The following ABCC4 variants were observed in gnomAD, a reference collection of about 807,000 sequenced individuals.
ABCC4 encodes the protein ATP binding cassette subfamily C member 4 (PEL blood group).
ABCC4 carries 102 observed loss-of-function variants against 168.5 expected under a neutral mutation model. The observed-to-expected ratio is 0.61, with a 90% CI of 0.52 to 0.71. ABCC4 has a LOEUF of 0.71. Ranked by LOEUF, ABCC4 falls within the 30% of genes least tolerant of loss-of-function variation. The pLI is 0.00. For missense variants in ABCC4, 1,402 were observed against 1,605.8 expected (o/e 0.87, Z 2.17); for synonymous variants, 617 against 590.7 (o/e 1.04, Z -0.65).
At position 95,136,232 on chromosome 13, in the gene ABCC4, G is replaced by A. The variant is rs1270609410; in HGVS notation, c.2456-20231C>T. On this transcript the variant is annotated intron_variant, in intron 19 of 30. Transcript: ENST00000645237. Reference sequence around the variant, plus strand: ...CCCGTCTCAAAAAGTGAGTATAGTGGTGCAATCTCGGCTCACTGCAACCTC... The same window carrying A: ...CCCGTCTCAAAAAGTGAGTATAGTGATGCAATCTCGGCTCACTGCAACCTC... 2.0e-5 allele frequency among the ~76,000 whole-genome samples: 3 copies of A among 152,140 alleles called. No homozygotes were observed. In the East Asian group the frequency reaches 5.8e-4, roughly 29 times the overall value.
intron 30 of ABCC4, among the ~76,000 whole-genome samples, chr13:95,032,335 TATC>T (rs1364133753): frequency 6.6e-6 from 1 of 152,096 alleles, no homozygotes; most frequent in African/African-American, 2.4e-5. Context: ...ATCTGACACA[TATC>T]ATCATCATCA....
At chr13:95,093,853 CAG>C (rs532243105) in intron 20 of ABCC4, among the ~76,000 whole-genome samples, 1 of 152,114 alleles carries the variant, frequency 6.6e-6, no homozygotes, top group Non-Finnish European at 1.5e-5. Context: ...GTACACAAAT[CAG>C]TAGCTCTTCT....
At chr13:95,289,386 G>A (rs2041336371) in intron 1 of ABCC4, among the ~76,000 whole-genome samples, 1 of 152,164 alleles carries the variant, frequency 6.6e-6, no homozygotes, top group Non-Finnish European at 1.5e-5. Flanking sequence ...TTTGGAATTT[G>A]TCAGACTTGA....
At chr13:95,038,607 T>C (rs1052395036) in intron 29 of ABCC4, among the ~76,000 whole-genome samples, 3 of 152,098 alleles carry the variant, frequency 2.0e-5, no homozygotes, top group African/African-American at 4.8e-5. Flanking sequence ...TCATTCCAGA[T>C]GCCGAGAGGT....
At chr13:95,117,857 T>C (rs984024986) in intron 19 of ABCC4, among the ~76,000 whole-genome samples, 2 of 151,346 alleles carry the variant, frequency 1.3e-5, no homozygotes, top group African/African-American at 2.4e-5. Context: ...GGTGGGAGCA[T>C]TGCTTGAGCT....
rs201339219 is a variant in ABCC4 at position 95,120,054 on chromosome 13, G to A, written c.2456-4053C>T. Among the ~76,000 whole-genome samples, 11 of 152,110 alleles carry A rather than the reference G, an allele frequency of 7.2e-5. No individual in the cohort carries two copies. The East Asian group carries it at 1.5e-3, about 21-fold the overall frequency. ...ATCTCTTGTGTCTGGCTTCCTTCCCGTATCTCAAGATTTTGAGGTTCACCC... is the reference window on the plus strand; with the variant it reads ...ATCTCTTGTGTCTGGCTTCCTTCCCATATCTCAAGATTTTGAGGTTCACCC... On this transcript the variant is annotated intron_variant, in intron 19 of 30. Coordinates refer to ENST00000645237, the MANE Select transcript of ABCC4 (RefSeq NM_005845.5).
rs1235649173 is a variant in ABCC4, at chr13:95,178,015, G to A, written c.1622C>T (p.Ala541Val). Residue 541 changes from alanine to valine, a missense_variant, in exon 12 of 31, where the codon GCA becomes GTA. By Grantham distance (64) the Ala-to-Val change is moderately conservative. Coordinates refer to ENST00000645237, the MANE Select transcript of ABCC4 (RefSeq NM_005845.5). ...RGTTLSGGQKARVNLARAVYQ... is the reference protein window; with the variant it reads ...RGTTLSGGQKVRVNLARAVYQ... The stretch of plus-strand genomic sequence containing the variant: ...AACTTACCTTGCAAGGTTTACCCGT[G>A]CTTTCTGCCCTCCACTCAGCGTGGT... 6.2e-7 allele frequency: 1 copy of A among 1,614,058 alleles called. No homozygotes were observed. The highest frequency in any genetic ancestry group is 1.3e-5 in the African/African-American group (1 of 74,926).
chr13:95,256,163 T>C (rs1237756998), intron 1 of ABCC4, among the ~76,000 whole-genome samples: 1 of 152,176 alleles, frequency 6.6e-6, no homozygotes, highest in East Asian at 1.9e-4. Context: ...TAATCATAGC[T>C]CATTGAAACT....
chr13:95,039,542 T>C (rs1163985122), intron 29 of ABCC4, among the ~76,000 whole-genome samples: 2 of 152,164 alleles, frequency 1.3e-5, no homozygotes, highest in Non-Finnish European at 2.9e-5. Context: ...AAGCCATGCA[T>C]TGATGTTGGT....
intron 26 of ABCC4, among the ~76,000 whole-genome samples, chr13:95,057,490 G>A (rs2033108950): frequency 6.6e-6 from 1 of 152,074 alleles, no homozygotes; most frequent in South Asian, 2.1e-4. Context: ...CACCCTCCTT[G>A]GCCTCCCAAA....
At position 95,301,252 on chromosome 13, in the gene ABCC4, G is replaced by A; in HGVS notation, c.63C>T (p.Arg21=). 6.3e-7 allele frequency: 1 copy of A among 1,593,392 alleles called. No individual in the cohort carries two copies. Among genetic ancestry groups the A allele is most frequent in the Non-Finnish European group, 8.5e-7 (1 of 1,170,744 alleles). Residue 21 remains arginine, a synonymous_variant, in exon 1 of 31, where the codon CGC becomes CGT. Transcript: ENST00000645237. The part of the protein sequence containing the change: ...NPLQDANLCS[R]VFFWWLNPLF... ...GCGGGGACACTCACCAGAAGAACAC[G>A]CGTGAGCAGAGGTTCGCGTCCTGCA...
chr13:95,054,913 A>G (rs2032998310), intron 26 of ABCC4, among the ~76,000 whole-genome samples: 1 of 152,208 alleles, frequency 6.6e-6, no homozygotes, highest in Non-Finnish European at 1.5e-5. Flanking sequence ...GCTGGTGAGG[A>G]AGAAATGGAT....
chr13:95,206,892 A>G (rs2038798681), intron 7 of ABCC4, 111 bp from the exon 8 acceptor site: 1 of 1,300,312 alleles, frequency 7.7e-7, no homozygotes, highest in Admixed American at 1.9e-5. Flanking sequence ...GTTTGAACCC[A>G]GGAGTTTGAG....
chr13:95,271,039 G>A (rs1400681486), intron 1 of ABCC4, among the ~76,000 whole-genome samples: 3 of 152,172 alleles, frequency 2.0e-5, no homozygotes, highest in Non-Finnish European at 2.9e-5. Flanking sequence ...AGCTTGCAGT[G>A]AGCCGAGATC....
At chr13:95,225,805 C>A (rs1330764549) in intron 4 of ABCC4, among the ~76,000 whole-genome samples, 1 of 150,404 alleles carries the variant, frequency 6.6e-6, no homozygotes, top group Non-Finnish European at 1.5e-5. Context: ...AACAAATGAT[C>A]TTTAAGACCT....
Position 95,197,800 on chromosome 13 carries a change from A to G in ABCC4, c.1162-2863T>C, listed in dbSNP as rs1462072510. Among the ~76,000 whole-genome samples, 3 of 152,216 alleles carry G rather than the reference A, an allele frequency of 2.0e-5. No individual in the cohort carries two copies. In the East Asian group the frequency reaches 5.8e-4, roughly 29 times the overall value. The stretch of plus-strand genomic sequence containing the variant: ...CTTTCAGTGCTTTGCTGTTAAGATA[A>G]GATCTCTTAAAATCCTATTGGACTT... On this transcript the variant is annotated intron_variant, in intron 8 of 30. Coordinates refer to ENST00000645237, the MANE Select transcript of ABCC4 (RefSeq NM_005845.5).
At chr13:95,090,543 C>T (rs1475028030) in intron 20 of ABCC4, among the ~76,000 whole-genome samples, 1 of 152,046 alleles carries the variant, frequency 6.6e-6, no homozygotes, top group Non-Finnish European at 1.5e-5. Context: ...CACCGCGGTT[C>T]GGCTCACAGG....
intron 4 of ABCC4, among the ~76,000 whole-genome samples, chr13:95,226,674 T>C (rs559973686): frequency 5.9e-5 from 9 of 152,254 alleles, no homozygotes; most frequent in African/African-American, 1.9e-4. Flanking sequence ...TCTCTACCCT[T>C]GCCAATCTGC....
chr13:95,188,357 T>C (rs951389065), intron 10 of ABCC4, 96 bp downstream of exon 10: 16 of 1,112,096 alleles, frequency 1.4e-5, no homozygotes, highest in Middle Eastern at 2.0e-4. Context: ...GTGTACCCAG[T>C]TCAAAATTGT....
Sources: allele counts gnomAD v4.1 joint callset (sites outside exome capture counted in the v4.1 genomes callset), GRCh38; gene constraint gnomAD v4.1.1; transcripts MANE v1.5; gene names NCBI Gene and HGNC (gene_info 2026-07-23, HGNC 2026-07-21).